Variants in EEFSEC observed in about 807,000 individuals in gnomAD.
The protein encoded by EEFSEC is selenocysteine-specific elongation factor.
A neutral mutation model predicts 42.1 loss-of-function variants in EEFSEC; 43 were observed. That is an observed-to-expected ratio of 1.02 (90% CI 0.80 to 1.32). EEFSEC has a LOEUF of 1.32. EEFSEC is among the 40% of genes most tolerant of loss of function. The pLI is 0.00. For missense variants in EEFSEC, 745 were observed against 803.6 expected, an observed-to-expected ratio of 0.93 and a Z score of 0.88; for synonymous variants, 354 against 339.1, an observed-to-expected ratio of 1.04 and a Z score of -0.48.
At chr3:128,237,335 A>G (rs1162775343) in intron 1 of EEFSEC, among the ~76,000 whole-genome samples, 1 of 151,884 alleles carries the variant, frequency 6.6e-6, no homozygotes, top group African/African-American at 2.4e-5. Flanking sequence ...TACTTTTAAG[A>G]TTATAAAAAA....
At chr3:128,399,075 AAAATAAATAAAT>A (rs138470496) in intron 6 of EEFSEC, among the ~76,000 whole-genome samples, 38 of 147,954 alleles carry the variant, frequency 2.6e-4, no homozygotes, top group Middle Eastern at 3.4e-3. Context: ...TTTGCCTTAA[AAAATAAATAAAT>A]AAATAAATAA....
chr3:128,388,268 C>T (rs1190778799), intron 6 of EEFSEC, among the ~76,000 whole-genome samples: 1 of 152,218 alleles, frequency 6.6e-6, no homozygotes, highest in Admixed American at 6.5e-5. Flanking sequence ...TTGCCCCCGC[C>T]TCCACTAACT....
At chr3:128,236,029 A>G (rs1253665438) in intron 1 of EEFSEC, among the ~76,000 whole-genome samples, 2 of 152,134 alleles carry the variant, frequency 1.3e-5, no homozygotes, top group African/African-American at 4.8e-5. Flanking sequence ...CAGTGGCGCA[A>G]TCTCGCCTTA....
intron 1 of EEFSEC, among the ~76,000 whole-genome samples, chr3:128,199,448 C>T (rs897981276): frequency 6.6e-6 from 1 of 152,150 alleles, no homozygotes; most frequent in Non-Finnish European, 1.5e-5. Context: ...TTTGTTTTCC[C>T]TCTGCTTAGC....
chr3:128,161,171 C>T (rs1361020830), intron 1 of EEFSEC, among the ~76,000 whole-genome samples: 1 of 152,130 alleles, frequency 6.6e-6, no homozygotes, highest in Non-Finnish European at 1.5e-5. Flanking sequence ...ATTCCAGCCC[C>T]CTGTAGTGGT....
the EEFSEC span, among the ~76,000 whole-genome samples, chr3:128,419,541 G>T: frequency 6.6e-6 from 1 of 152,200 alleles, no homozygotes; most frequent in African/African-American, 2.4e-5. Flanking sequence ...CTGACCACCA[G>T]GAGCTGCCAG....
intron 1 of EEFSEC, among the ~76,000 whole-genome samples, chr3:128,162,919 T>C (rs991647463): frequency 6.6e-6 from 1 of 152,196 alleles, no homozygotes; most frequent in Non-Finnish European, 1.5e-5. Flanking sequence ...AACTTTTCAC[T>C]GAGCATCCCC....
intron 1 of EEFSEC, among the ~76,000 whole-genome samples, chr3:128,154,476 G>A (rs1158071102): frequency 2.0e-5 from 3 of 151,170 alleles, no homozygotes; most frequent in East Asian, 1.9e-4. Flanking sequence ...TTGAGACAGA[G>A]TCTTGTTCTG....
At chr3:128,182,902 G>A (rs1421518617) in intron 1 of EEFSEC, among the ~76,000 whole-genome samples, 1 of 144,608 alleles carries the variant, frequency 6.9e-6, no homozygotes, top group East Asian at 2.0e-4. Flanking sequence ...GGGGTGGTTG[G>A]TCTAGTAGTG....
At chr3:128,205,494 A>G (rs551553063) in intron 1 of EEFSEC, among the ~76,000 whole-genome samples, 2 of 152,298 alleles carry the variant, frequency 1.3e-5, no homozygotes, top group South Asian at 4.1e-4. Context: ...TCCCACAATT[A>G]ATGCCATCAC....
rs200263942 is a variant in EEFSEC, at chr3:128,228,112, T to A, written c.317-18724T>A. Reference sequence around the variant, plus strand: ...AACAGGCCCGGTCATCTCTGACCTCTCAGTGCTTTTCATTCACTTCATACA... The same window carrying A: ...AACAGGCCCGGTCATCTCTGACCTCACAGTGCTTTTCATTCACTTCATACA... On this transcript the variant is annotated intron_variant, in intron 1 of 6. Coordinates refer to ENST00000254730, the MANE Select transcript of EEFSEC (RefSeq NM_021937.5). 0.023 allele frequency among the ~76,000 whole-genome samples: 3,457 copies of A among 152,316 alleles called. 385 individuals are homozygous for A. In the East Asian group the frequency reaches 0.35, roughly 16 times the overall value.
chr3:128,153,942 G>T (rs1055364311), intron 1 of EEFSEC, 119 bp downstream of exon 1: 1 of 1,359,316 alleles, frequency 7.4e-7, no homozygotes, highest in African/African-American at 1.6e-5. Flanking sequence ...CATTGGTGGG[G>T]CTCCTGACGC....
At chr3:128,241,897 G>A (rs977127455) in intron 1 of EEFSEC, among the ~76,000 whole-genome samples, 1 of 152,254 alleles carries the variant, frequency 6.6e-6, no homozygotes, top group Non-Finnish European at 1.5e-5. Flanking sequence ...CTGAGGCACA[G>A]AGAGAGTTAA....
chr3:128,397,978 C>T (rs2068001715), intron 6 of EEFSEC, among the ~76,000 whole-genome samples: 1 of 152,234 alleles, frequency 6.6e-6, no homozygotes, highest in African/African-American at 2.4e-5. Context: ...ACCTGCTCAC[C>T]CCCCAGCCTC....
chr3:128,316,434 C>A (rs561859985), intron 4 of EEFSEC, among the ~76,000 whole-genome samples: 1 of 152,172 alleles, frequency 6.6e-6, no homozygotes, highest in Non-Finnish European at 1.5e-5. Flanking sequence ...TACCGCTCTC[C>A]CCCTCTCTTC....
At chr3:128,395,676 G>T (rs2067972823) in intron 6 of EEFSEC, among the ~76,000 whole-genome samples, 1 of 152,226 alleles carries the variant, frequency 6.6e-6, no homozygotes, top group Non-Finnish European at 1.5e-5. Context: ...ATGAGGCGGT[G>T]TCTGTCCAGT....
rs1213363732 is a variant in EEFSEC, at chr3:128,262,160, C to A, written c.557C>A (p.Ala186Asp). 6.2e-7 allele frequency: 1 copy of A among 1,614,004 alleles called. No homozygotes were observed. Among genetic ancestry groups the A allele is most frequent in the African/African-American group, 1.3e-5 (1 of 74,904 alleles). ...FRGAPIIPVAAKPGGPEAPET... is the reference protein window; with the variant it reads ...FRGAPIIPVADKPGGPEAPET... ...GGTGCACCGATTATACCCGTGGCGG[C>A]CAAGCCGGGGGGACCAGAGGCCCCC... Residue 186 changes from alanine to aspartate, a missense_variant, in exon 3 of 7, where the codon GCC becomes GAC. Physicochemically the swap from Ala to Asp is moderately radical, Grantham distance 126 (BLOSUM62 -2). Transcript: ENST00000254730.
intron 6 of EEFSEC, among the ~76,000 whole-genome samples, chr3:128,398,705 G>A (rs1032879976): frequency 3.3e-5 from 5 of 152,130 alleles, no homozygotes; most frequent in Non-Finnish European, 7.4e-5. Context: ...GAGCTGTCCC[G>A]AGAGGCTGGG....
intron 4 of EEFSEC, among the ~76,000 whole-genome samples, chr3:128,297,110 A>C (rs1369297400): frequency 6.6e-6 from 1 of 152,136 alleles, no homozygotes; most frequent in Non-Finnish European, 1.5e-5. Flanking sequence ...GACCATAGGC[A>C]CATACCAGGG....
Sources: gnomAD v4.1 joint callset for allele counts (sites outside exome capture counted in the v4.1 genomes callset) on GRCh38, gnomAD v4.1.1 for gene constraint, MANE v1.5 for transcripts, NCBI Gene and HGNC (gene_info 2026-07-23, HGNC 2026-07-21) for gene names.